The following FHIP1A variants were observed in gnomAD, a reference collection of about 807,000 sequenced individuals.
FHIP1A encodes the protein FHF complex subunit HOOK interacting protein 1A, also known as FHF complex subunit HOOK-interacting protein 1A.
A neutral mutation model predicts 88.6 loss-of-function variants in FHIP1A; 61 were observed. The ratio of observed to expected loss-of-function variants is 0.69; its 90% CI spans 0.56 to 0.85. The LOEUF (loss-of-function observed/expected upper bound fraction) is 0.85. FHIP1A is among the 40% of genes least tolerant of loss of function. FHIP1A has a pLI of 0.00. For missense variants in FHIP1A, 1,154 were observed against 1,273.5 expected, an observed-to-expected ratio of 0.91 and a Z score of 1.43; for synonymous variants, 478 against 496.0, an observed-to-expected ratio of 0.96 and a Z score of 0.48.
At chr4:151,495,521 A>G (rs1286305549) in intron 3 of FHIP1A, among the ~76,000 whole-genome samples, 1 of 151,762 alleles carries the variant, frequency 6.6e-6, no homozygotes, top group Non-Finnish European at 1.5e-5. Flanking sequence ...AAAGTAAAGA[A>G]AAGAAAAAAG....
chr4:151,530,480 CA>C (rs1256571407), intron 3 of FHIP1A, among the ~76,000 whole-genome samples: 1 of 152,130 alleles, frequency 6.6e-6, no homozygotes, highest in Non-Finnish European at 1.5e-5. Flanking sequence ...ACAGATTTGC[CA>C]TTTCTTTTTG....
At position 151,667,573 on chromosome 4, in the gene FHIP1A, G is replaced by A. The variant is rs540767785; in HGVS notation, c.*4819G>A. Among the ~76,000 whole-genome samples the A allele has an allele frequency of 6.6e-6, 1 of 152,286 alleles. No homozygotes were observed. The highest frequency in any genetic ancestry group is 6.5e-5 in the Admixed American group (1 of 15,304). The stretch of plus-strand genomic sequence containing the variant: ...GGCAGCTCAATAACTGGATAAACAG[G>A]ACTTTAGTGAAAGATTTTCAGAGGT... On this transcript the variant is annotated 3_prime_UTR_variant, in exon 14 of 14. Coordinates refer to ENST00000435205, the MANE Select transcript of FHIP1A (RefSeq NM_001109977.3).
intron 10 of FHIP1A, among the ~76,000 whole-genome samples, chr4:151,649,089 T>C (rs1307726410): frequency 6.6e-6 from 1 of 152,198 alleles, no homozygotes; most frequent in Non-Finnish European, 1.5e-5. Context: ...TAAAAAACTT[T>C]AAGGTTATTA....
At chr4:151,455,589 A>G (rs1369957887) in intron 2 of FHIP1A, among the ~76,000 whole-genome samples, 1 of 152,152 alleles carries the variant, frequency 6.6e-6, no homozygotes, top group Non-Finnish European at 1.5e-5. Flanking sequence ...TCTTTTCCTC[A>G]TATTTTGGAA....
intron 1 of FHIP1A, among the ~76,000 whole-genome samples, chr4:151,418,171 C>CT (rs1732966225): frequency 2.4e-5 from 1 of 41,116 alleles, no homozygotes; most frequent in South Asian, 7.4e-4. Flanking sequence ...GAACCTATCT[C>CT]TAAAAAAAAA....
intron 3 of FHIP1A, among the ~76,000 whole-genome samples, chr4:151,548,960 ACAGGG>A (rs1732615475): frequency 6.6e-6 from 1 of 152,232 alleles, no homozygotes; most frequent in African/African-American, 2.4e-5. Context: ...GCACACCTGG[ACAGGG>A]GAGGGGCAGG....
intron 8 of FHIP1A, among the ~76,000 whole-genome samples, chr4:151,636,040 C>T (rs1736340672): frequency 6.6e-6 from 1 of 151,924 alleles, no homozygotes. Flanking sequence ...TCTACACTAA[C>T]ATCTACTATG....
intron 7 of FHIP1A, among the ~76,000 whole-genome samples, chr4:151,605,671 G>A (rs560498865): frequency 2.0e-5 from 3 of 152,330 alleles, no homozygotes; most frequent in Admixed American, 1.3e-4. Context: ...ATAAGCCGCC[G>A]TGGAGCCCAT....
At chr4:151,610,211 G>T (rs1735269239) in intron 7 of FHIP1A, among the ~76,000 whole-genome samples, 1 of 152,200 alleles carries the variant, frequency 6.6e-6, no homozygotes, top group African/African-American at 2.4e-5. Context: ...AAGAGTAAAT[G>T]AGTTGATACT....
At chr4:151,594,104 A>C (rs1407207636) in intron 7 of FHIP1A, among the ~76,000 whole-genome samples, 1 of 152,222 alleles carries the variant, frequency 6.6e-6, no homozygotes, top group Non-Finnish European at 1.5e-5. Context: ...CATCCCAGGG[A>C]TGAAGCTGAC....
intron 3 of FHIP1A, among the ~76,000 whole-genome samples, chr4:151,539,553 G>A (rs1021672922): frequency 7.6e-6 from 1 of 131,174 alleles, no homozygotes; most frequent in Non-Finnish European, 1.6e-5. Context: ...GGCAGAGGGA[G>A]ACTCTGTCTA....
In FHIP1A at chr4:151,580,321, C is replaced by T. The variant is rs530668024; in HGVS notation, c.732+2245C>T. Among the ~76,000 whole-genome samples the T allele has an allele frequency of 4.5e-4, 69 of 152,282 alleles. 1 individual carries two copies. The highest frequency in any genetic ancestry group is 1.6e-3 in the African/African-American group (67 of 41,554). On this transcript the variant is annotated intron_variant, in intron 5 of 13. Transcript: ENST00000435205. ...TGCAAATTGGACTTAGATCTACATG[C>T]CCAGTTAAATTTAGGTTAAATATTT...
chr4:151,662,463 A>G lies in FHIP1A; in HGVS notation c.2870-38A>G, dbSNP rs879075928. The G allele has an allele frequency of 5.4e-6, 8 of 1,488,638 alleles. No individual in the cohort carries two copies. In the South Asian group the frequency reaches 8.2e-5, roughly 15 times the overall value. 92.2% of individuals were successfully genotyped at this position (1,488,638 alleles called of 1,614,324 possible). ...ACTGAAGAGGGTGGATTAGAAGGCT[A>G]TGGAGGGACACCATGATGGTTTTCT... On this transcript the variant is annotated intron_variant, in intron 13 of 13. Coordinates refer to ENST00000435205, the MANE Select transcript of FHIP1A (RefSeq NM_001109977.3).
chr4:151,490,693 T>C (rs1396880344), intron 3 of FHIP1A, among the ~76,000 whole-genome samples: 1 of 151,404 alleles, frequency 6.6e-6, no homozygotes, highest in Non-Finnish European at 1.5e-5. Flanking sequence ...TGATTATTAA[T>C]CTACTCAAGG....
At chr4:151,428,102 G>T (rs546414007) in intron 1 of FHIP1A, among the ~76,000 whole-genome samples, 9 of 152,142 alleles carry the variant, frequency 5.9e-5, no homozygotes, top group Non-Finnish European at 1.2e-4. Context: ...TTTGTGCAAA[G>T]AAGTAATGTT....
intron 3 of FHIP1A, among the ~76,000 whole-genome samples, chr4:151,524,489 G>A (rs7685383): frequency 0.13 from 19,874 of 151,978 alleles, 2,525 homozygotes; most frequent in African/African-American, 0.3. Flanking sequence ...GTATCGAAGT[G>A]TCTAGACTCC....
intron 7 of FHIP1A, among the ~76,000 whole-genome samples, chr4:151,599,590 A>G (rs1257097664): frequency 6.6e-6 from 1 of 152,208 alleles, no homozygotes. Flanking sequence ...AGAGGCCTGC[A>G]TCTCTCAGGA....
intron 7 of FHIP1A, among the ~76,000 whole-genome samples, chr4:151,590,386 C>T (rs1363346763): frequency 2.0e-5 from 3 of 152,158 alleles, no homozygotes; most frequent in African/African-American, 4.8e-5. Flanking sequence ...TTTAGTGTTA[C>T]AGACATTAGT....
At chr4:151,445,515 T>A (rs1728566409) in intron 1 of FHIP1A, among the ~76,000 whole-genome samples, 1 of 151,916 alleles carries the variant, frequency 6.6e-6, no homozygotes, top group Non-Finnish European at 1.5e-5. Flanking sequence ...ATTAAATGAT[T>A]GATTCTGATG....
Sources: gnomAD v4.1 joint callset for allele counts (sites outside exome capture counted in the v4.1 genomes callset) on GRCh38, gnomAD v4.1.1 for gene constraint, MANE v1.5 for transcripts, NCBI Gene and HGNC (gene_info 2026-07-23, HGNC 2026-07-21) for gene names.